Variants in ABCC1 observed in about 807,000 individuals in gnomAD.
ABCC1 encodes ATP binding cassette subfamily C member 1 (ABCC1 blood group).
Under a neutral mutation model 172.9 loss-of-function variants are expected in ABCC1, and 83 were observed. The observed-to-expected ratio is 0.48, with a 90% CI of 0.40 to 0.58. ABCC1 has a LOEUF of 0.58. ABCC1 is among the 20% of genes least tolerant of loss of function. The probability of loss-of-function intolerance (pLI) is 0.00; values close to 1 mark genes in which losing one functional copy is unlikely to be tolerated. For missense variants in ABCC1, 1,817 were observed against 2,002.7 expected (o/e 0.91, Z 1.77); for synonymous variants, 937 against 825.2 (o/e 1.14, Z -2.32).
At chr16:15,982,823 AAG>A (rs1489845689) in intron 1 of ABCC1, among the ~76,000 whole-genome samples, 1 of 149,304 alleles carries the variant, frequency 6.7e-6, no homozygotes, top group Non-Finnish European at 1.5e-5. Context: ...AAAAAAAAAA[AAG>A]GAAATCCATT....
chr16:16,031,760 C>T (rs1313415957), intron 5 of ABCC1, among the ~76,000 whole-genome samples: 1 of 152,160 alleles, frequency 6.6e-6, no homozygotes, highest in East Asian at 1.9e-4. Context: ...CTTCGTACAC[C>T]AGATCAGCCC....
chr16:16,077,466 C>T (rs542353911), intron 15 of ABCC1, among the ~76,000 whole-genome samples: 1 of 152,224 alleles, frequency 6.6e-6, no homozygotes, highest in African/African-American at 2.4e-5. Context: ...CAGTTACCTT[C>T]CCCCCATGAG....
At position 16,102,729 on chromosome 16, in the gene ABCC1, G is replaced by C. The variant is rs1239260047; in HGVS notation, c.2735+12G>C. ...AAGCAACTGCAGAGGTAAGGGCGGG[G>C]AGGAAGGCCCCAACCTAAGGACCCT... is the stretch of plus-strand genomic sequence containing the variant. On this transcript the variant is annotated intron_variant, in intron 20 of 30. Coordinates refer to ENST00000399410, the MANE Select transcript of ABCC1 (RefSeq NM_004996.4). 5 of 1,562,436 alleles carry C rather than the reference G, an allele frequency of 3.2e-6. No individual in the cohort carries two copies. The highest frequency in any genetic ancestry group is 1.2e-5 in the South Asian group (1 of 84,868).
chr16:16,112,369 A>T (rs2044653855), intron 22 of ABCC1, among the ~76,000 whole-genome samples: 1 of 149,006 alleles, frequency 6.7e-6, no homozygotes, highest in Non-Finnish European at 1.5e-5. Context: ...GTCTCAAAAA[A>T]TAAACAAAAA....
At chr16:16,134,236 T>A (rs2045825432) in intron 27 of ABCC1, 114 bp from the exon 28 acceptor site, 1 of 1,352,914 alleles carries the variant, frequency 7.4e-7, no homozygotes, top group Non-Finnish European at 1.0e-6. Flanking sequence ...GGCTGTCGAG[T>A]TGGGTTGACC....
At chr16:16,096,967 GC>G (rs1049093474) in intron 19 of ABCC1, among the ~76,000 whole-genome samples, 2 of 151,892 alleles carry the variant, frequency 1.3e-5, no homozygotes, top group African/African-American at 4.8e-5. Flanking sequence ...CTCCACCCTG[GC>G]CCCCAGCCTT....
chr16:15,996,022 T>C (rs953410871), intron 1 of ABCC1, among the ~76,000 whole-genome samples: 31 of 149,248 alleles, frequency 2.1e-4, no homozygotes, highest in Admixed American at 1.6e-3. Context: ...TCTCACTCTT[T>C]TGTCCAGGCT....
chr16:16,142,599 A>G lies in ABCC1; in HGVS notation c.*1318A>G, dbSNP rs1025901865. 1.5e-5 allele frequency: 1 copy of G among 68,888 alleles called. No individual in the cohort carries two copies. Among genetic ancestry groups the G allele is most frequent in the Non-Finnish European group, 3.2e-5 (1 of 31,626 alleles). The allele number at this position is 68,888 out of a possible 1,614,324, so 4.3% of individuals were successfully genotyped here. A position where few individuals can be genotyped will look rare whatever the true frequency, so the allele number is the denominator to read the frequency against. On this transcript the variant is annotated 3_prime_UTR_variant, in exon 31 of 31. Transcript: ENST00000399410. Reference sequence around the variant, plus strand: ...GAAAAGAACCCATCTTTGAATATCAATGATTTTTTTTTTTTAAGTACTGTT... The same window carrying G: ...GAAAAGAACCCATCTTTGAATATCAGTGATTTTTTTTTTTTAAGTACTGTT...
intron 7 of ABCC1, among the ~76,000 whole-genome samples, chr16:16,039,084 C>T (rs752498047): frequency 1.9e-4 from 29 of 151,910 alleles, no homozygotes; most frequent in Non-Finnish European, 4.3e-4. Context: ...TGGGTGCCAT[C>T]GACATTCTAT....
chr16:16,135,416 CAGTATTTGGTG>C (rs970042190), intron 28 of ABCC1, among the ~76,000 whole-genome samples: 2 of 152,132 alleles, frequency 1.3e-5, no homozygotes, highest in African/African-American at 4.8e-5. Context: ...TGAGAACACA[CAGTATTTGGTG>C]AGAAATAAGG....
intron 10 of ABCC1, 145 bp downstream of exon 10, chr16:16,048,448 G>A: frequency 1.0e-6 from 1 of 979,342 alleles, no homozygotes; most frequent in Admixed American, 2.8e-5. Context: ...TTTCCAGCCT[G>A]TTAACCAATT....
At chr16:16,032,901 C>T (rs924137) in intron 5 of ABCC1, among the ~76,000 whole-genome samples, 61,469 of 151,808 alleles carry the variant, frequency 0.4, 13,904 homozygotes, top group Non-Finnish European at 0.52. Flanking sequence ...GTAGACACTC[C>T]GTTGATTGAA....
intron 18 of ABCC1, among the ~76,000 whole-genome samples, chr16:16,088,299 G>A (rs1034925900): frequency 6.6e-6 from 1 of 152,058 alleles, no homozygotes; most frequent in Non-Finnish European, 1.5e-5. Context: ...ACAAAAATCA[G>A]CCGAGTGTGG....
chr16:15,959,786 G>A (rs1484214208), intron 1 of ABCC1, among the ~76,000 whole-genome samples: 1 of 152,198 alleles, frequency 6.6e-6, no homozygotes, highest in African/African-American at 2.4e-5. Context: ...TCTGGAAAGT[G>A]GGTGTTAATG....
chr16:16,041,132 A>G (rs1233691232), intron 7 of ABCC1, among the ~76,000 whole-genome samples: 2 of 128,318 alleles, frequency 1.6e-5, no homozygotes, highest in Admixed American at 8.3e-5. Flanking sequence ...ATATCTCGCC[A>G]TGTTGCCCAG....
At chr16:16,032,805 G>A (rs1164082404) in intron 5 of ABCC1, among the ~76,000 whole-genome samples, 1 of 152,188 alleles carries the variant, frequency 6.6e-6, no homozygotes, top group African/African-American at 2.4e-5. Context: ...AGTGAAGTAG[G>A]GATGACGTTA....
chr16:16,083,783 G>C (rs1386454342), intron 17 of ABCC1, among the ~76,000 whole-genome samples: 1 of 152,156 alleles, frequency 6.6e-6, no homozygotes, highest in African/African-American at 2.4e-5. Flanking sequence ...CTTTCCAAAG[G>C]GGGGCTCTTC....
intron 1 of ABCC1, among the ~76,000 whole-genome samples, chr16:15,982,660 A>AT (rs1353866374): frequency 3.9e-4 from 55 of 140,834 alleles, no homozygotes; most frequent in African/African-American, 1.3e-3. Flanking sequence ...AAAAAAAAAA[A>AT]GCCAGGTGTG....
chr16:16,041,500 G>C (rs1447918439), intron 7 of ABCC1, among the ~76,000 whole-genome samples: 3 of 152,002 alleles, frequency 2.0e-5, no homozygotes, highest in South Asian at 2.1e-4. Flanking sequence ...CATTTACTTG[G>C]GACATTGGTA....
Sources: allele counts gnomAD v4.1 joint callset (sites outside exome capture counted in the v4.1 genomes callset), GRCh38; gene constraint gnomAD v4.1.1; transcripts MANE v1.5; gene names NCBI Gene and HGNC (gene_info 2026-07-23, HGNC 2026-07-21).